Variants in CERS6 observed in about 807,000 individuals in gnomAD.
CERS6 encodes LAG1 homolog, ceramide synthase 6.
CERS6 carries 26 observed loss-of-function variants against 56.8 expected under a neutral mutation model. The ratio of observed to expected loss-of-function variants is 0.46; its 90% CI spans 0.34 to 0.63. CERS6 has a LOEUF of 0.63. Ranked by LOEUF, CERS6 falls within the 30% of genes least tolerant of loss-of-function variation. The pLI, the probability that CERS6 is intolerant of heterozygous loss-of-function variation, is 0.01. For synonymous variants in CERS6, 164 were observed against 173.3 expected, an observed-to-expected ratio of 0.95 and a Z score of 0.42; for missense variants, 415 against 467.5, an observed-to-expected ratio of 0.89 and a Z score of 1.04.
chr2:168,691,148 G>A, intron 5 of CERS6, 64 bp downstream of exon 5: 1 of 1,499,980 alleles, frequency 6.7e-7, no homozygotes, highest in East Asian at 2.3e-5. Context: ...TCAATTTCAT[G>A]GTCTCAGGCA....
chr2:168,754,773 T>G (rs1457262963), intron 8 of CERS6, among the ~76,000 whole-genome samples: 1 of 152,242 alleles, frequency 6.6e-6, no homozygotes, highest in Non-Finnish European at 1.5e-5. Context: ...CTGTTTGTTT[T>G]TTTGAGACAG....
rs184831681 is a variant in CERS6 at position 168,486,321 on chromosome 2, A to C, written c.170+29703A>C. ...TCTCTTTTGCATAACAAAGGTTTTAAATTTTAATGAAGATCAGCTTACTGA... is the reference window on the plus strand; with the variant it reads ...TCTCTTTTGCATAACAAAGGTTTTACATTTTAATGAAGATCAGCTTACTGA... On this transcript the variant is annotated intron_variant, in intron 1 of 9. Coordinates refer to ENST00000305747, the MANE Select transcript of CERS6 (RefSeq NM_203463.3). Among the ~76,000 whole-genome samples the C allele has an allele frequency of 1.4e-3, 209 of 152,192 alleles. 1 individual carries two copies. The highest frequency in any genetic ancestry group is 4.8e-3 in the African/African-American group (198 of 41,552).
intron 6 of CERS6, among the ~76,000 whole-genome samples, chr2:168,704,787 C>T (rs1431366901): frequency 6.6e-5 from 10 of 151,982 alleles, no homozygotes; most frequent in Non-Finnish European, 1.0e-4. Context: ...TTAGTAGAGA[C>T]GGGCATTTCA....
rs71003053 is a variant in CERS6, at chr2:168,746,775, GTATATATATATATATATATATA to G, written c.846-18792_846-18771del. Among the ~76,000 whole-genome samples, 126 of 39,036 alleles carry G rather than the reference GTATATATATATATATATATATA, an allele frequency of 3.2e-3. 7 individuals are homozygous for G. The East Asian group carries it at 0.06, about 19-fold the overall frequency. 25.6% of individuals were successfully genotyped at this position (39,036 alleles called of 152,430 possible). ...CCAAACTGATTTAAAAGGGTAAAGG[GTATATATATATATATATATATA>G]TATATATATATATATATATATATAA... On this transcript the variant is annotated intron_variant, in intron 8 of 9. Coordinates refer to ENST00000305747, the MANE Select transcript of CERS6 (RefSeq NM_203463.3).
At chr2:168,461,611 A>T (rs1693782530) in intron 1 of CERS6, among the ~76,000 whole-genome samples, 1 of 152,204 alleles carries the variant, frequency 6.6e-6, no homozygotes, top group African/African-American at 2.4e-5. Context: ...CTAGTAAAAT[A>T]AAAAGTTTTG....
intron 9 of CERS6, among the ~76,000 whole-genome samples, chr2:168,768,271 T>G (rs1684772102): frequency 6.6e-6 from 1 of 151,632 alleles, no homozygotes; most frequent in African/African-American, 2.4e-5. Flanking sequence ...CACTCATTGC[T>G]CTGGCTGGAG....
Position 168,717,891 on chromosome 2 carries a change from A to G in CERS6, c.758A>G (p.Tyr253Cys). Residue 253 changes from tyrosine (Y) to cysteine (C), a missense_variant, in exon 8 of 10, where the codon TAT (tyrosine) becomes TGT (cysteine). Physicochemically the swap from Tyr to Cys is radical, Grantham distance 194. Transcript: ENST00000305747. The stretch of plus-strand genomic sequence containing the variant: ...TCATAGGCTGCCAAAATGGCAAATT[A>G]TGCCAAGTTTCAGAAAATGTGTGAT... ...ALLEAAKMAN[Y>C]AKFQKMCDLL... 1 of 1,613,574 alleles carries G rather than the reference A, an allele frequency of 6.2e-7. No homozygotes were observed. The highest frequency in any genetic ancestry group is 8.5e-7 in the Non-Finnish European group (1 of 1,179,648).
intron 5 of CERS6, among the ~76,000 whole-genome samples, chr2:168,691,510 A>G (rs1401403079): frequency 6.6e-6 from 1 of 152,224 alleles, no homozygotes; most frequent in African/African-American, 2.4e-5. Context: ...GTGACCTAGA[A>G]GCAGCCTCCA....
intron 1 of CERS6, among the ~76,000 whole-genome samples, chr2:168,527,307 T>A (rs1476309064): frequency 6.6e-6 from 1 of 152,214 alleles, no homozygotes; most frequent in Non-Finnish European, 1.5e-5. Flanking sequence ...ATGCGTAGAC[T>A]CCTTTGTTAT....
chr2:168,761,889 ATATT>A (rs966595549), intron 8 of CERS6, among the ~76,000 whole-genome samples: 11 of 152,090 alleles, frequency 7.2e-5, no homozygotes, highest in African/African-American at 1.9e-4. Flanking sequence ...TTATTAATAA[ATATT>A]TATTAATAAT....
At chr2:168,504,096 G>T (rs1410465057) in intron 1 of CERS6, among the ~76,000 whole-genome samples, 1 of 152,176 alleles carries the variant, frequency 6.6e-6, no homozygotes, top group East Asian at 1.9e-4. Flanking sequence ...TCAGTAAGAC[G>T]AGTGTCTTGT....
At chr2:168,463,405 GT>G (rs1261689948) in intron 1 of CERS6, among the ~76,000 whole-genome samples, 1 of 152,074 alleles carries the variant, frequency 6.6e-6, no homozygotes, top group Non-Finnish European at 1.5e-5. Flanking sequence ...CAGTGTTCAT[GT>G]TTTTGTTCGA....
At chr2:168,766,430 C>G in intron 9 of CERS6, 2 of 1,213,672 alleles carry the variant, frequency 1.6e-6, no homozygotes, top group Non-Finnish European at 2.4e-6. Flanking sequence ...TGTTTCCACG[C>G]ATATTGTTCT....
At chr2:168,658,052 G>T (rs1322158832) in intron 4 of CERS6, among the ~76,000 whole-genome samples, 2 of 152,098 alleles carry the variant, frequency 1.3e-5, no homozygotes, top group East Asian at 3.9e-4. Context: ...CAGTGGGCTG[G>T]ACTTTTGAGT....
chr2:168,477,166 GGAGA>G (rs1395836694), intron 1 of CERS6, among the ~76,000 whole-genome samples: 1 of 115,508 alleles, frequency 8.7e-6, no homozygotes, highest in African/African-American at 3.6e-5. Flanking sequence ...AAGGAATGAG[GGAGA>G]GACAGAGAGA....
intron 3 of CERS6, among the ~76,000 whole-genome samples, chr2:168,583,569 C>T (rs926940189): frequency 2.6e-5 from 4 of 152,138 alleles, no homozygotes; most frequent in Non-Finnish European, 5.9e-5. Flanking sequence ...GGTCTTAGAC[C>T]AAACCAGTCA....
At position 168,724,934 on chromosome 2, in the gene CERS6, G is replaced by A. The variant is rs189827584; in HGVS notation, c.845+6956G>A. On this transcript the variant is annotated intron_variant, in intron 8 of 9. Transcript: ENST00000305747. ...CCTTGGGTGGTCGATGGGACTGGGCGCCGTGGAGCAGGGGGTGGCACTCGT... is the reference window on the plus strand; with the variant it reads ...CCTTGGGTGGTCGATGGGACTGGGCACCGTGGAGCAGGGGGTGGCACTCGT... Among the ~76,000 whole-genome samples the A allele has an allele frequency of 7.2e-3, 1,090 of 152,322 alleles. 11 individuals are homozygous for A. Among genetic ancestry groups the A allele is most frequent in the African/African-American group, 0.024 (1,018 of 41,566 alleles).
chr2:168,542,423 T>C (rs967702861), intron 1 of CERS6, among the ~76,000 whole-genome samples: 1 of 152,204 alleles, frequency 6.6e-6, no homozygotes, highest in African/African-American at 2.4e-5. Context: ...ATACTTGTAC[T>C]CATTTATATA....
rs1684922849 is a variant in CERS6 at position 168,773,703 on chromosome 2, G to A, written c.*4041G>A. 6.6e-6 allele frequency: 1 copy of A among 152,264 alleles called. No individual in the cohort carries two copies. Among genetic ancestry groups the A allele is most frequent in the Admixed American group, 6.5e-5 (1 of 15,290 alleles). The allele number at this position is 152,264 out of a possible 1,614,324, so 9.4% of individuals were successfully genotyped here. On this transcript the variant is annotated 3_prime_UTR_variant, in exon 10 of 10. Coordinates refer to ENST00000305747, the MANE Select transcript of CERS6 (RefSeq NM_203463.3). ...AATATTTTAAAATGAAGATATTGCA[G>A]TCCCCAGAGCCAGTGAAGGTTTCTT... is the stretch of plus-strand genomic sequence containing the variant.
Sources: allele counts gnomAD v4.1 joint callset (sites outside exome capture counted in the v4.1 genomes callset), GRCh38; gene constraint gnomAD v4.1.1; transcripts MANE v1.5; gene names NCBI Gene and HGNC (gene_info 2026-07-23, HGNC 2026-07-21).